MED27: variants seen among roughly 807,000 people sequenced by gnomAD.
The protein encoded by MED27 is mediator complex subunit 27, also known as mediator of RNA polymerase II transcription subunit 27.
In MED27, 30 loss-of-function variants were observed where a neutral mutation model predicts 38.2. The observed-to-expected ratio is 0.79, with a 90% CI of 0.59 to 1.07. The LOEUF is 1.07. Ranked by LOEUF, MED27 falls within the 50% of genes least tolerant of loss-of-function variation. The pLI is 0.00. For synonymous variants in MED27, 122 were observed against 153.5 expected, an observed-to-expected ratio of 0.79 and a Z score of 1.52; for missense variants, 289 against 397.5, an observed-to-expected ratio of 0.73 and a Z score of 2.32.
chr9:132,046,855 C>T (rs1833351798), intron 2 of MED27, among the ~76,000 whole-genome samples: 1 of 152,178 alleles, frequency 6.6e-6, no homozygotes, highest in Non-Finnish European at 1.5e-5. Flanking sequence ...ACAAATACAA[C>T]TGTGAAAGTA....
In MED27 at chr9:131,863,079, A is replaced by G. The variant is rs757693530; in HGVS notation, c.785T>C (p.Val262Ala). The G allele has an allele frequency of 1.1e-5, 17 of 1,614,046 alleles. No homozygotes were observed. Among genetic ancestry groups the G allele is most frequent in the Non-Finnish European group, 1.4e-5 (17 of 1,180,016 alleles). ...GCCACTTACCATGAAGGATCGGACC[A>G]CGACATCCGGCATCTGGGGCAGCTG... is the stretch of plus-strand genomic sequence containing the variant. Reference protein sequence around the residue: ...HYQLPQMPDVVVRSFMTWLRS... With the variant: ...HYQLPQMPDVAVRSFMTWLRS... The change falls in exon 7 of 8, where the codon GTG (valine) becomes GCG (alanine). Residue 262 changes from valine (V) to alanine (A), a missense_variant. Val to Ala is a moderately conservative substitution (Grantham distance 64). Transcript: ENST00000292035.
chr9:132,059,479 C>T (rs1225325943), intron 2 of MED27, among the ~76,000 whole-genome samples: 1 of 152,254 alleles, frequency 6.6e-6, no homozygotes, highest in African/African-American at 2.4e-5. Flanking sequence ...AACCTGCCAG[C>T]AATGCCAAGG....
Position 131,860,481 on chromosome 9 carries a change from T to C in MED27, c.*57A>G. 1 of 1,464,968 alleles carries C rather than the reference T, an allele frequency of 6.8e-7. No individual in the cohort carries two copies. The highest frequency in any genetic ancestry group is 2.5e-4 in the Middle Eastern group (1 of 3,966). The allele number at this position is 1,464,968 out of a possible 1,614,324, so 90.7% of individuals were successfully genotyped here. A position where few individuals can be genotyped will look rare whatever the true frequency, so the allele number is the denominator to read the frequency against. ...GGAACCAGCTGAGCCTTCTGTGGGC[T>C]TCCTGCGTGTCTGGGAAGGTGCTGG... On this transcript the variant is annotated 3_prime_UTR_variant, in exon 8 of 8. Transcript: ENST00000292035. This position sits in a 1 kb window ranked among gnomAD's most constrained non-coding sequence, Gnocchi z 5.8.
chr9:132,009,283 G>A (rs956222839), intron 3 of MED27, among the ~76,000 whole-genome samples: 2 of 152,148 alleles, frequency 1.3e-5, no homozygotes, highest in African/African-American at 4.8e-5. Flanking sequence ...GCGATGTGAT[G>A]GTTTTAAAAT....
chr9:131,894,111 T>C, intron 4 of MED27, 119 bp from the exon 5 acceptor site: 1 of 699,362 alleles, frequency 1.4e-6, no homozygotes, highest in Non-Finnish European at 2.6e-6. Context: ...GTGCTGGCCC[T>C]GTGGATCCTC....
chr9:131,939,719 G>A (rs980970871), intron 3 of MED27, among the ~76,000 whole-genome samples: 1 of 152,102 alleles, frequency 6.6e-6, no homozygotes, highest in Admixed American at 6.5e-5. Context: ...TAGGAGGTCA[G>A]AATTTAGCTG....
chr9:132,039,252 G>C (rs1402553794), intron 2 of MED27, among the ~76,000 whole-genome samples: 1 of 152,188 alleles, frequency 6.6e-6, no homozygotes, highest in Admixed American at 6.5e-5. Context: ...TACCACGTGA[G>C]TGCTATGTGT....
chr9:131,994,789 A>G (rs1378336461), intron 3 of MED27, among the ~76,000 whole-genome samples: 4 of 152,160 alleles, frequency 2.6e-5, no homozygotes, highest in Admixed American at 1.3e-4. Context: ...GTTATAATAT[A>G]TAACACCCAT....
chr9:131,885,423 A>G (rs781172044), intron 5 of MED27, among the ~76,000 whole-genome samples: 1 of 152,138 alleles, frequency 6.6e-6, no homozygotes, highest in Non-Finnish European at 1.5e-5. Context: ...TATTGAATCA[A>G]TGGCTGGAGC....
chr9:131,946,923 T>C (rs1222595760), intron 3 of MED27, among the ~76,000 whole-genome samples: 2 of 152,216 alleles, frequency 1.3e-5, no homozygotes, highest in African/African-American at 2.4e-5. Context: ...TTATCTCTCA[T>C]GGTACTTTTA....
chr9:132,066,415 T>G (rs1310245191), intron 2 of MED27, among the ~76,000 whole-genome samples: 1 of 152,144 alleles, frequency 6.6e-6, no homozygotes, highest in Non-Finnish European at 1.5e-5. Context: ...AGAAACAGCC[T>G]CCAATTCCCA....
chr9:131,979,319 A>T (rs1020510126), intron 3 of MED27, among the ~76,000 whole-genome samples: 1 of 152,196 alleles, frequency 6.6e-6, no homozygotes, highest in African/African-American at 2.4e-5. Context: ...ATCAGGTAAG[A>T]TCCAGAGTAT....
chr9:132,026,722 C>A (rs1832827947), intron 2 of MED27, among the ~76,000 whole-genome samples: 1 of 152,108 alleles, frequency 6.6e-6, no homozygotes, highest in African/African-American at 2.4e-5. Context: ...TAGATATCTC[C>A]CCTAGTCCTC....
intron 2 of MED27, among the ~76,000 whole-genome samples, chr9:132,053,208 G>A (rs1049322369): frequency 1.3e-5 from 2 of 150,460 alleles, no homozygotes; most frequent in African/African-American, 2.5e-5. Flanking sequence ...AGCCGAGATC[G>A]CGCCACTGCG....
In MED27 at chr9:132,026,519, G is replaced by C. The variant is rs75154064; in HGVS notation, c.349-12052C>G. 5.1e-3 allele frequency among the ~76,000 whole-genome samples: 784 copies of C among 152,280 alleles called. 6 individuals carry two copies. Among genetic ancestry groups the C allele is most frequent in the Non-Finnish European group, 6.2e-3 (422 of 68,022 alleles). Reference sequence around the variant, plus strand: ...CAAAGTGTATTCCACAAGAGTGCCGGAACTGTCTTGTACTCCATTTTAGAA... The same window carrying C: ...CAAAGTGTATTCCACAAGAGTGCCGCAACTGTCTTGTACTCCATTTTAGAA... On this transcript the variant is annotated intron_variant, in intron 2 of 7. Coordinates refer to ENST00000292035, the MANE Select transcript of MED27 (RefSeq NM_004269.4).
chr9:131,868,915 C>G, intron 6 of MED27: 1 of 985,490 alleles, frequency 1.0e-6, no homozygotes, highest in African/African-American at 1.7e-5. Context: ...TAGAAAGTGT[C>G]CTCTTCAGAG....
At chr9:132,043,976 C>T (rs1271682473) in intron 2 of MED27, among the ~76,000 whole-genome samples, 11 of 152,194 alleles carry the variant, frequency 7.2e-5, no homozygotes, top group Admixed American at 5.9e-4. Context: ...ACTGTGTCAA[C>T]TGGCAGGGAT....
At chr9:131,906,759 C>T (rs1830070614) in intron 4 of MED27, among the ~76,000 whole-genome samples, 1 of 152,050 alleles carries the variant, frequency 6.6e-6, no homozygotes, top group South Asian at 2.1e-4. Context: ...AAAGTGACAG[C>T]AAATTTATTA....
At chr9:132,049,269 G>A (rs1833410346) in intron 2 of MED27, among the ~76,000 whole-genome samples, 1 of 152,170 alleles carries the variant, frequency 6.6e-6, no homozygotes, top group Non-Finnish European at 1.5e-5. Flanking sequence ...GGCTTCTGGA[G>A]GGATGAACTT....
Sources: allele counts gnomAD v4.1 joint callset (sites outside exome capture counted in the v4.1 genomes callset), GRCh38; gene constraint gnomAD v4.1.1; non-coding constraint Gnocchi (gnomAD v3.1); transcripts MANE v1.5; gene names NCBI Gene and HGNC (gene_info 2026-07-23, HGNC 2026-07-21).